C8orf76: variants seen among roughly 807,000 people sequenced by gnomAD.
C8orf76 encodes chromosome 8 open reading frame 76, also known as uncharacterized protein C8orf76.
Under a neutral mutation model 38.1 loss-of-function variants are expected in C8orf76, and 46 were observed. The ratio of observed to expected loss-of-function variants is 1.21; its 90% CI spans 0.95 to 1.54. The LOEUF (loss-of-function observed/expected upper bound fraction) is 1.54. C8orf76 is among the 40% of genes most tolerant of loss of function. C8orf76 has a pLI of 0.00. For missense variants in C8orf76, 461 were observed against 441.6 expected (o/e 1.04, Z -0.39); for synonymous variants, 166 against 167.5 (o/e 0.99, Z 0.07).
At chr8:123,220,939 T>C (rs750389176) in intron 5 of C8orf76, among the ~76,000 whole-genome samples, 2 of 152,194 alleles carry the variant, frequency 1.3e-5, no homozygotes, top group Non-Finnish European at 2.9e-5. Context: ...GTAATGACAA[T>C]GAACTAAAAT....
intron 5 of C8orf76, among the ~76,000 whole-genome samples, chr8:123,222,787 T>A (rs2131130573): frequency 6.6e-6 from 1 of 152,308 alleles, no homozygotes; most frequent in South Asian, 2.1e-4. Flanking sequence ...TAAAGTAATA[T>A]TATTAAGTTA....
At chr8:123,237,102 A>T in intron 3 of C8orf76, 1 of 1,021,444 alleles carries the variant, frequency 9.8e-7, no homozygotes, top group Non-Finnish European at 1.5e-6. Flanking sequence ...CAGAAATACA[A>T]CTACAACAAG....
intron 4 of C8orf76, 138 bp from the exon 5 acceptor site, chr8:123,226,770 C>T (rs983282213): frequency 3.2e-5 from 41 of 1,289,326 alleles, no homozygotes; most frequent in Admixed American, 6.7e-5. Flanking sequence ...AGGTACCCAC[C>T]CTCACTAGAA....
intron 4 of C8orf76, among the ~76,000 whole-genome samples, chr8:123,227,986 G>GCGACT (rs1825107640): frequency 6.6e-6 from 1 of 151,982 alleles, no homozygotes; most frequent in African/African-American, 2.4e-5. Context: ...CCAGGCACCC[G>GCGACT]CGACTCGGTA....
At chr8:123,231,904 T>C in intron 3 of C8orf76, 147 bp from the exon 4 acceptor site, 1 of 868,606 alleles carries the variant, frequency 1.2e-6, no homozygotes, top group Non-Finnish European at 1.7e-6. Context: ...TATTTCAATA[T>C]ATCTCATGTT....
chr8:123,241,302 C>G lies in C8orf76; in HGVS notation c.45G>C (p.Ser15=). 1 of 1,575,974 alleles carries G rather than the reference C, an allele frequency of 6.3e-7. No homozygotes were observed. The highest frequency in any genetic ancestry group is 8.6e-7 in the Non-Finnish European group (1 of 1,166,196). The change falls in exon 1 of 6, where the codon TCG becomes TCC. Residue 15 remains serine, a synonymous_variant. Transcript: ENST00000276704. ...GCCGCTCCGGCCTCTCCTCGAACAC[C>G]GAGTCCTCGAACTCGCCGCCGAACA... ...CWLFGGEFED[S]VFEERPERRS...
intron 4 of C8orf76, among the ~76,000 whole-genome samples, chr8:123,227,352 T>C (rs1051381698): frequency 6.6e-5 from 10 of 151,844 alleles, no homozygotes; most frequent in African/African-American, 2.4e-4. Context: ...TGGCTCTCCA[T>C]GCTGTGGAAC....
intron 3 of C8orf76, among the ~76,000 whole-genome samples, chr8:123,235,799 C>A (rs1358858547): frequency 6.6e-6 from 1 of 152,056 alleles, no homozygotes; most frequent in Admixed American, 6.5e-5. Context: ...TGCCAGGAAT[C>A]CAGCTGCCAC....
chr8:123,239,419 C>T (rs774992565), intron 1 of C8orf76: 5 of 303,496 alleles, frequency 1.6e-5, no homozygotes, highest in Non-Finnish European at 3.2e-5. Context: ...TTTAGTGTGA[C>T]TGGAATAGGG....
chr8:123,220,370 G>A (rs997417685), intron 5 of C8orf76, 73 bp from the exon 6 acceptor site: 47 of 1,155,210 alleles, frequency 4.1e-5, no homozygotes, highest in East Asian at 1.3e-4. Flanking sequence ...TATCAACTGC[G>A]AAGGCTTTCA....
At chr8:123,234,410 A>G (rs1351873442) in intron 3 of C8orf76, among the ~76,000 whole-genome samples, 2 of 152,158 alleles carry the variant, frequency 1.3e-5, no homozygotes, top group Non-Finnish European at 2.9e-5. Flanking sequence ...CGAGGTGGGC[A>G]GATCACTTGA....
At chr8:123,230,668 T>A (rs529128632) in intron 4 of C8orf76, among the ~76,000 whole-genome samples, 1 of 151,824 alleles carries the variant, frequency 6.6e-6, no homozygotes, top group African/African-American at 2.4e-5. Flanking sequence ...TTTTTTTTTT[T>A]TGAGACGGAG....
rs533343000 is a variant in C8orf76 at position 123,233,989 on chromosome 8, C to T, written c.358-2232G>A. Among the ~76,000 whole-genome samples the T allele has an allele frequency of 3.3e-5, 5 of 150,544 alleles. No individual in the cohort carries two copies. The East Asian group carries it at 9.9e-4, about 30-fold the overall frequency. ...CTTGCAGTGAGCCAAGATCATGCCACTGCACTCCAGCCTGGGCAACAGAAC... is the reference window on the plus strand; with the variant it reads ...CTTGCAGTGAGCCAAGATCATGCCATTGCACTCCAGCCTGGGCAACAGAAC... On this transcript the variant is annotated intron_variant, in intron 3 of 5. Coordinates refer to ENST00000276704, the MANE Select transcript of C8orf76 (RefSeq NM_032847.3).
chr8:123,241,203 T>C, intron 1 of C8orf76, 27 bp downstream of exon 1: 1 of 1,563,650 alleles, frequency 6.4e-7, no homozygotes. Context: ...GGGCCCGGGA[T>C]AAGGCGAAGA....
At position 123,230,610 on chromosome 8, in the gene C8orf76, T is replaced by C. The variant is rs572348155; in HGVS notation, c.815+690A>G. ...AAGCAATCATTCCATCTCAGCCTCC[T>C]GAGTAACTGGGACTACAGGCACGCA... On this transcript the variant is annotated intron_variant, in intron 4 of 5. Transcript: ENST00000276704. Among the ~76,000 whole-genome samples, 5 of 151,654 alleles carry C rather than the reference T, an allele frequency of 3.3e-5. No individual in the cohort carries two copies. The East Asian group carries it at 7.8e-4, about 24-fold the overall frequency.
chr8:123,231,901 A>G (rs926395191), intron 3 of C8orf76, 144 bp from the exon 4 acceptor site: 15 of 873,314 alleles, frequency 1.7e-5, no homozygotes, highest in Non-Finnish European at 2.5e-5. Flanking sequence ...ATATATTTCA[A>G]TATATCTCAT....
intron 3 of C8orf76, chr8:123,236,954 C>T (rs575917795): frequency 7.6e-5 from 118 of 1,543,164 alleles, no homozygotes; most frequent in Non-Finnish European, 1.0e-4. Context: ...ACCTGACCAG[C>T]AGCGTCTGAT....
rs150856356 is a variant in C8orf76, at chr8:123,224,477, T to C, written c.948+2023A>G. On this transcript the variant is annotated intron_variant, in intron 5 of 5. Coordinates refer to ENST00000276704, the MANE Select transcript of C8orf76 (RefSeq NM_032847.3). The stretch of plus-strand genomic sequence containing the variant: ...AAATTTTAAAATTAGCTGGACATGG[T>C]GGTGGGTGCCTGTAATCCTACGAAC... 3.0e-3 allele frequency among the ~76,000 whole-genome samples: 461 copies of C among 152,158 alleles called. 2 individuals carry two copies. The highest frequency in any genetic ancestry group is 0.011 in the African/African-American group (438 of 41,508).
Position 123,222,929 on chromosome 8 carries a change from T to C in C8orf76, c.949-2632A>G, listed in dbSNP as rs780449269. Among the ~76,000 whole-genome samples, 41 of 152,350 alleles carry C rather than the reference T, an allele frequency of 2.7e-4. 1 individual carries two copies. The highest frequency in any genetic ancestry group is 4.1e-4 in the Non-Finnish European group (28 of 68,024). ...AAATTGAACTAACCTTTCTAAATGATAATTTGGAAATGTGCTTTAAGTCTT... is the reference window on the plus strand; with the variant it reads ...AAATTGAACTAACCTTTCTAAATGACAATTTGGAAATGTGCTTTAAGTCTT... On this transcript the variant is annotated intron_variant, in intron 5 of 5. Coordinates refer to ENST00000276704, the MANE Select transcript of C8orf76 (RefSeq NM_032847.3).
Sources: allele counts gnomAD v4.1 joint callset (sites outside exome capture counted in the v4.1 genomes callset), GRCh38; gene constraint gnomAD v4.1.1; transcripts MANE v1.5; gene names NCBI Gene and HGNC (gene_info 2026-07-23, HGNC 2026-07-21).